TCTN2: variants seen among roughly 807,000 people sequenced by gnomAD.
TCTN2 encodes the protein tectonic family member 2.
A neutral mutation model predicts 83.4 loss-of-function variants in TCTN2; 66 were observed. The observed-to-expected ratio is 0.79, with a 90% confidence interval of 0.65 to 0.97. The LOEUF is 0.97. TCTN2 is among the 50% of genes least tolerant of loss of function. TCTN2 has a pLI of 0.00. For synonymous variants in TCTN2, 301 were observed against 326.7 expected (o/e 0.92, Z 0.85); for missense variants, 794 against 858.1 (o/e 0.93, Z 0.93).
chr12:123,672,196 T>C, intron 3 of TCTN2, 64 bp downstream of exon 3: 3 of 1,365,268 alleles, frequency 2.2e-6, no homozygotes, highest in Non-Finnish European at 3.1e-6. Context: ...GTTTCTGCAG[T>C]GCTCTCTTTA....
intron 5 of TCTN2, among the ~76,000 whole-genome samples, chr12:123,686,378 C>T (rs763262990): frequency 2.0e-5 from 3 of 152,000 alleles, no homozygotes; most frequent in Admixed American, 6.6e-5. Flanking sequence ...TTAATTGGGT[C>T]GTGTTATAAT....
intron 3 of TCTN2, among the ~76,000 whole-genome samples, 199 bp from the exon 4 acceptor site, chr12:123,673,416 T>C (rs1253700586): frequency 6.6e-6 from 1 of 152,210 alleles, no homozygotes; most frequent in Non-Finnish European, 1.5e-5. Flanking sequence ...TGCTTTTATG[T>C]TAAGGAAGAA....
Position 123,683,783 on chromosome 12 carries a change from C to T in TCTN2, c.565-3053C>T, listed in dbSNP as rs182654162. The stretch of plus-strand genomic sequence containing the variant: ...CCTCCCAAGTAGTTGGGATTACAGG[C>T]GCGTGCCACCATGCTCAGCTAATTT... On this transcript the variant is annotated intron_variant, in intron 5 of 17. Transcript: ENST00000303372. Among the ~76,000 whole-genome samples the T allele has an allele frequency of 2.8e-4, 42 of 151,862 alleles. No homozygotes were observed. The East Asian group carries it at 7.4e-3, about 27-fold the overall frequency.
intron 8 of TCTN2, 76 bp downstream of exon 8, chr12:123,690,750 C>G: frequency 6.5e-7 from 1 of 1,541,586 alleles, no homozygotes; most frequent in Non-Finnish European, 8.9e-7. Flanking sequence ...GAGTATAAAT[C>G]ATTTCTACTG....
At chr12:123,675,892 A>C (rs1038231266) in intron 4 of TCTN2, among the ~76,000 whole-genome samples, 1 of 152,166 alleles carries the variant, frequency 6.6e-6, no homozygotes, top group Non-Finnish European at 1.5e-5. Flanking sequence ...AGCCAAAAAA[A>C]CCGTATTCAA....
intron 4 of TCTN2, among the ~76,000 whole-genome samples, chr12:123,674,753 T>C (rs111739791): frequency 0.019 from 2,820 of 152,270 alleles, 47 homozygotes; most frequent in Non-Finnish European, 0.028. Flanking sequence ...AAGCTGGGCA[T>C]GATGGTGCCT....
At position 123,671,156 on chromosome 12, in the gene TCTN2, T is replaced by C; in HGVS notation, c.-85T>C. On this transcript the variant is annotated 5_prime_UTR_variant, in exon 1 of 18. Coordinates refer to ENST00000303372, the MANE Select transcript of TCTN2 (RefSeq NM_024809.5). ...TTGCAAGATGGCGGCGGCGGGGCAG[T>C]GGCTGCTGCGTTTTCGTGTCTGAGT... 2 of 1,330,122 alleles carry C rather than the reference T, an allele frequency of 1.5e-6. No individual in the cohort carries two copies. Among genetic ancestry groups the C allele is most frequent in the Non-Finnish European group, 2.1e-6 (2 of 953,452 alleles). 82.4% of individuals were successfully genotyped at this position (1,330,122 alleles called of 1,614,324 possible). A position where few individuals can be genotyped will look rare whatever the true frequency, so the allele number is the denominator to read the frequency against.
chr12:123,677,812 TATA>T (rs1347264072), intron 4 of TCTN2, among the ~76,000 whole-genome samples: 2 of 152,010 alleles, frequency 1.3e-5, no homozygotes, highest in Non-Finnish European at 2.9e-5. Context: ...TTTTTTAAAG[TATA>T]GATGGGGTTT....
At chr12:123,704,004 C>CTTTT (rs11348520) in intron 14 of TCTN2, among the ~76,000 whole-genome samples, 4 of 110,182 alleles carry the variant, frequency 3.6e-5, no homozygotes, top group East Asian at 2.3e-4. Context: ...TACAAGGAAA[C>CTTTT]TTTTTTTTTT....
chr12:123,672,637 G>T (rs989643494), intron 3 of TCTN2, among the ~76,000 whole-genome samples: 1 of 151,818 alleles, frequency 6.6e-6, no homozygotes, highest in Non-Finnish European at 1.5e-5. Context: ...GGAGGGGGGT[G>T]GGGTAGCTGA....
At chr12:123,685,066 G>A (rs1376024983) in intron 5 of TCTN2, among the ~76,000 whole-genome samples, 3 of 150,004 alleles carry the variant, frequency 2.0e-5, no homozygotes, top group African/African-American at 4.9e-5. Context: ...AAAAAAAAAA[G>A]AGTAAAGTAC....
At chr12:123,678,412 A>G (rs1566246106) in intron 4 of TCTN2, among the ~76,000 whole-genome samples, 1 of 152,206 alleles carries the variant, frequency 6.6e-6, no homozygotes. Flanking sequence ...AGTAAAATAT[A>G]TTAAGTTAAT....
chr12:123,695,000 C>G (rs540146722), intron 10 of TCTN2, 24 bp downstream of exon 10: 9 of 1,611,138 alleles, frequency 5.6e-6, no homozygotes, highest in Non-Finnish European at 5.9e-6. Context: ...GGGTAGCAAG[C>G]ATGCTTTCAC....
intron 6 of TCTN2, among the ~76,000 whole-genome samples, chr12:123,687,718 T>G (rs1179966442): frequency 6.6e-6 from 1 of 151,028 alleles, no homozygotes; most frequent in Non-Finnish European, 1.5e-5. Context: ...ATCCCAGCAC[T>G]TTGGGATGCT....
rs765101825 is a variant in TCTN2 at position 123,671,537 on chromosome 12, G to A, written c.113G>A (p.Gly38Asp). The A allele has an allele frequency of 2.1e-5, 34 of 1,613,956 alleles. No homozygotes were observed. Among genetic ancestry groups the A allele is most frequent in the Admixed American group, 3.3e-5 (2 of 60,006 alleles). Residue 38 changes from glycine to aspartate, a missense_variant, in exon 2 of 18, where the codon GGC becomes GAC. By Grantham distance (94) the Gly-to-Asp change is moderately conservative. Coordinates refer to ENST00000303372, the MANE Select transcript of TCTN2 (RefSeq NM_024809.5). ...AFIPPFIRMS[G>D]PAVSASLVGD... The stretch of plus-strand genomic sequence containing the variant: ...ATCCCTCCTTTTATCCGAATGTCCG[G>A]CCCTGCGGTCAGCGCGTCCCTGGTC...
At chr12:123,693,822 T>C (rs1032286970) in intron 9 of TCTN2, among the ~76,000 whole-genome samples, 6 of 150,940 alleles carry the variant, frequency 4.0e-5, no homozygotes, top group African/African-American at 7.3e-5. Flanking sequence ...TCTTTTCTTT[T>C]TTTTTTTTAA....
At chr12:123,674,495 C>T (rs1299608831) in intron 4 of TCTN2, among the ~76,000 whole-genome samples, 2 of 152,178 alleles carry the variant, frequency 1.3e-5, no homozygotes, top group African/African-American at 4.8e-5. Context: ...GTCTTGATCT[C>T]CTGACCTTGT....
At position 123,673,756 on chromosome 12, in the gene TCTN2, C is replaced by G. The variant is rs778673863; in HGVS notation, c.409C>G (p.Leu137Val). 6.2e-7 allele frequency: 1 copy of G among 1,614,124 alleles called. No individual in the cohort carries two copies. Among genetic ancestry groups the G allele is most frequent in the African/African-American group, 1.3e-5 (1 of 74,938 alleles). Residue 137 changes from leucine to valine, a missense_variant, in exon 4 of 18, where the codon CTA becomes GTA. Coordinates refer to ENST00000303372, the MANE Select transcript of TCTN2 (RefSeq NM_024809.5). ...ASHNSSCSAH[L>V]LIQVEIYANS... ...TCATAATTCATCCTGTTCAGCACATCTACTCATTCAAGTGGAAATTTATGC... is the reference window on the plus strand; with the variant it reads ...TCATAATTCATCCTGTTCAGCACATGTACTCATTCAAGTGGAAATTTATGC...
chr12:123,678,860 C>T (rs966163670), intron 4 of TCTN2, among the ~76,000 whole-genome samples: 4 of 151,712 alleles, frequency 2.6e-5, no homozygotes, highest in Non-Finnish European at 4.4e-5. Flanking sequence ...TATAGTGGCA[C>T]GATCTCGGCT....
Sources: gnomAD v4.1 joint callset for allele counts (sites outside exome capture counted in the v4.1 genomes callset) on GRCh38, gnomAD v4.1.1 for gene constraint, MANE v1.5 for transcripts, NCBI Gene and HGNC (gene_info 2026-07-23, HGNC 2026-07-21) for gene names.